IL1RAPL2: variants seen among roughly 807,000 people sequenced by gnomAD.
IL1RAPL2 encodes interleukin 1 receptor accessory protein like 2, also known as X-linked interleukin-1 receptor accessory protein-like 2.
Under a neutral mutation model 44.1 loss-of-function variants are expected in IL1RAPL2, and 3 were observed. The observed-to-expected ratio is 0.07, with a 90% CI of 0.03 to 0.18. The LOEUF is 0.18. Among genes scored for constraint, IL1RAPL2 ranks in the 10% least tolerant of loss-of-function variants. The probability of loss-of-function intolerance (pLI) is 1.00; values close to 1 mark genes in which losing one functional copy is unlikely to be tolerated. For missense variants in IL1RAPL2, 391 were observed against 496.4 expected (o/e 0.79, Z 2.02); for synonymous variants, 181 against 178.8 (o/e 1.01, Z -0.10).
intron 2 of IL1RAPL2, among the ~76,000 whole-genome samples, chrX:104,848,032 C>T (rs930276841): frequency 1.8e-5 from 2 of 110,010 alleles, no homozygotes; most frequent in African/African-American, 3.3e-5. Context: ...GTGATTTTTG[C>T]ACATTGATTT....
At chrX:105,422,239 G>T (rs935653349) in intron 5 of IL1RAPL2, among the ~76,000 whole-genome samples, 3 of 111,800 alleles carry the variant, frequency 2.7e-5, no homozygotes, top group African/African-American at 9.8e-5. Context: ...CCTATGATTT[G>T]GGTGAATTCC....
intron 2 of IL1RAPL2, among the ~76,000 whole-genome samples, chrX:104,849,273 CT>C (rs765437039): frequency 1.9e-5 from 2 of 103,919 alleles, no homozygotes; most frequent in African/African-American, 7.0e-5. Flanking sequence ...TGGTCTCAAA[CT>C]CCCAGGCTCA....
At chrX:105,437,922 T>G (rs1283333795) in intron 5 of IL1RAPL2, among the ~76,000 whole-genome samples, 1 of 111,791 alleles carries the variant, frequency 8.9e-6, no homozygotes, top group Non-Finnish European at 1.9e-5. Context: ...TTGATCAAAA[T>G]TTACTGTTAT....
At chrX:105,494,063 C>T (rs190959701) in intron 6 of IL1RAPL2, among the ~76,000 whole-genome samples, 147 of 111,754 alleles carry the variant, frequency 1.3e-3, no homozygotes, top group Non-Finnish European at 2.4e-3. Context: ...TAATTTGTAT[C>T]ATTCAACAAT....
intron 2 of IL1RAPL2, among the ~76,000 whole-genome samples, chrX:105,030,253 G>C (rs2031463019): frequency 9.0e-6 from 1 of 111,057 alleles, no homozygotes; most frequent in African/African-American, 3.3e-5. Context: ...AGTTTAATTA[G>C]ATCCCATTTG....
intron 5 of IL1RAPL2, among the ~76,000 whole-genome samples, chrX:105,335,640 T>C (rs1268468988): frequency 1.8e-5 from 2 of 111,437 alleles, no homozygotes; most frequent in African/African-American, 6.5e-5. Flanking sequence ...GAAACCCATT[T>C]ATACTGGATA....
intron 1 of IL1RAPL2, among the ~76,000 whole-genome samples, chrX:104,570,482 GAGTTTGAGATT>G (rs1461069068): frequency 6.3e-5 from 7 of 111,657 alleles, no homozygotes; most frequent in African/African-American, 2.3e-4. Context: ...TTGAGCCCAG[GAGTTTGAGATT>G]AGTCTGGGCA....
At chrX:105,247,027 G>A (rs749809030) in intron 4 of IL1RAPL2, among the ~76,000 whole-genome samples, 2 of 110,557 alleles carry the variant, frequency 1.8e-5, no homozygotes, top group South Asian at 7.8e-4. Flanking sequence ...GGAAGCTCTG[G>A]TTTACCTTTT....
intron 1 of IL1RAPL2, among the ~76,000 whole-genome samples, chrX:104,641,717 C>T (rs372934279): frequency 1.8e-5 from 2 of 111,115 alleles, no homozygotes; most frequent in Admixed American, 1.9e-4. Context: ...TTCCCAAGAC[C>T]GGCAGCTGCA....
intron 2 of IL1RAPL2, among the ~76,000 whole-genome samples, chrX:105,166,918 G>T (rs2033375998): frequency 8.9e-6 from 1 of 112,115 alleles, no homozygotes; most frequent in Non-Finnish European, 1.9e-5. Context: ...AATTTGATTG[G>T]CAACTCTTGT....
intron 2 of IL1RAPL2, among the ~76,000 whole-genome samples, chrX:104,808,635 T>C (rs144997024): frequency 0.019 from 2,121 of 111,619 alleles, 51 homozygotes; most frequent in African/African-American, 0.064. Flanking sequence ...ATGATTAATC[T>C]TGATAGTTAT....
chrX:104,972,507 G>A (rs2030255990), intron 2 of IL1RAPL2, among the ~76,000 whole-genome samples: 1 of 111,615 alleles, frequency 9.0e-6, no homozygotes, highest in Admixed American at 9.5e-5. Flanking sequence ...GATCTGGAGA[G>A]ATGGCTGTGA....
chrX:105,278,486 G>T (rs1382897017), intron 5 of IL1RAPL2, among the ~76,000 whole-genome samples: 1 of 111,240 alleles, frequency 9.0e-6, no homozygotes, highest in Non-Finnish European at 1.9e-5. Context: ...TGAAAGCAGT[G>T]GTTTGAGCAA....
chrX:105,092,695 TG>T (rs2147555504), intron 2 of IL1RAPL2, among the ~76,000 whole-genome samples: 1 of 111,496 alleles, frequency 9.0e-6, no homozygotes, highest in South Asian at 3.8e-4. Context: ...AATTACCTCC[TG>T]GGAGCTGAGG....
chrX:104,725,814 T>G (rs1158701609), intron 2 of IL1RAPL2, among the ~76,000 whole-genome samples: 1 of 111,788 alleles, frequency 8.9e-6, no homozygotes, highest in Non-Finnish European at 1.9e-5. Context: ...ATTTCAAAAA[T>G]TTTCTCCTAT....
chrX:104,970,642 C>T (rs1055652399), intron 2 of IL1RAPL2, among the ~76,000 whole-genome samples: 3 of 112,233 alleles, frequency 2.7e-5, no homozygotes, highest in African/African-American at 9.7e-5. Context: ...TGACATGGCA[C>T]TGGTGGGCAT....
chrX:105,246,921 C>A (rs1176917355), intron 4 of IL1RAPL2, among the ~76,000 whole-genome samples: 1 of 111,182 alleles, frequency 9.0e-6, no homozygotes, highest in Non-Finnish European at 1.9e-5. Context: ...GCTCTCAGCC[C>A]TCCTGACTGA....
chrX:105,749,139 G>A (rs748334955), intron 9 of IL1RAPL2, 36 bp downstream of exon 9: 3 of 1,168,554 alleles, frequency 2.6e-6, no homozygotes, highest in South Asian at 3.9e-5. Flanking sequence ...TCCATTAAAC[G>A]GCATGCATTT....
At chrX:105,649,403 C>T (rs1170792261) in intron 6 of IL1RAPL2, among the ~76,000 whole-genome samples, 1 of 111,880 alleles carries the variant, frequency 8.9e-6, no homozygotes, top group African/African-American at 3.3e-5. Context: ...ATGATGTTCG[C>T]TATAGTTTTA....
Sources: gnomAD v4.1 joint callset for allele counts (sites outside exome capture counted in the v4.1 genomes callset) on GRCh38, gnomAD v4.1.1 for gene constraint, MANE v1.5 for transcripts, NCBI Gene and HGNC (gene_info 2026-07-23, HGNC 2026-07-21) for gene names.